ADGRA3: variants seen among roughly 807,000 people sequenced by gnomAD.
ADGRA3 encodes adhesion G protein-coupled receptor A3.
Under a neutral mutation model 119.8 loss-of-function variants are expected in ADGRA3, and 56 were observed. The observed-to-expected ratio is 0.47, with a 90% CI of 0.38 to 0.58. The LOEUF is 0.58. Among genes scored for constraint, ADGRA3 ranks in the 20% least tolerant of loss-of-function variants. ADGRA3 has a pLI of 0.00. For missense variants in ADGRA3, 1,516 were observed against 1,649.0 expected (o/e 0.92, Z 1.40); for synonymous variants, 607 against 623.8 (o/e 0.97, Z 0.40).
chr4:22,413,343 G>C lies in ADGRA3; in HGVS notation c.2071C>G (p.Arg691Gly), dbSNP rs149970910. 1.2e-6 allele frequency: 2 copies of C among 1,613,894 alleles called. No homozygotes were observed. The highest frequency in any genetic ancestry group is 1.3e-5 in the African/African-American group (1 of 74,896). Residue 691 changes from arginine (R) to glycine (G), a missense_variant, in exon 14 of 19, where the codon CGT (arginine) becomes GGT (glycine). Arg to Gly is a moderately radical substitution (Grantham distance 125). Coordinates refer to ENST00000334304, the MANE Select transcript of ADGRA3 (RefSeq NM_145290.4). ...THHIPVNVTL[R>G]RIAHGADAVA... ...GCATCTGCTCCATGTGCAATTCGAC[G>C]CAGTGTCACATTAACAGGGATGTGG... is the stretch of plus-strand genomic sequence containing the variant.
chr4:22,501,059 T>C (rs1238427546), intron 1 of ADGRA3, among the ~76,000 whole-genome samples: 1 of 152,174 alleles, frequency 6.6e-6, no homozygotes, highest in Non-Finnish European at 1.5e-5. Flanking sequence ...TCTCAGACCT[T>C]TGAACCTAGA....
intron 1 of ADGRA3, among the ~76,000 whole-genome samples, chr4:22,476,809 A>C (rs2109126794): frequency 6.7e-6 from 1 of 149,914 alleles, no homozygotes; most frequent in Non-Finnish European, 1.5e-5. Flanking sequence ...TGGGAGTATA[A>C]GTGCCCACCA....
At chr4:22,468,362 C>G (rs571090111) in intron 2 of ADGRA3, among the ~76,000 whole-genome samples, 1 of 152,274 alleles carries the variant, frequency 6.6e-6, no homozygotes, top group South Asian at 2.1e-4. Context: ...AACACACTGA[C>G]CAGTAGGCAA....
chr4:22,489,034 TAA>T (rs1718536398), intron 1 of ADGRA3, among the ~76,000 whole-genome samples: 1 of 152,194 alleles, frequency 6.6e-6, no homozygotes, highest in Admixed American at 6.5e-5. Context: ...ATGCTGCTGA[TAA>T]AGACATATTT....
chr4:22,507,038 G>A (rs574082725), intron 1 of ADGRA3, among the ~76,000 whole-genome samples: 16 of 151,154 alleles, frequency 1.1e-4, no homozygotes, highest in Admixed American at 2.0e-4. Flanking sequence ...GAGCTGGAGA[G>A]TATCCTTGCT....
rs573471508 is a variant in ADGRA3, at chr4:22,496,714, T to C, written c.257+18814A>G. On this transcript the variant is annotated intron_variant, in intron 1 of 18. Transcript: ENST00000334304. ...GGCTGAGCCAATGTTAAAGTAGGTA[T>C]TGGAAACTCTACTTCAAACGGTGAG... Among the ~76,000 whole-genome samples, 3 of 152,336 alleles carry C rather than the reference T, an allele frequency of 2.0e-5. No homozygotes were observed. In the South Asian group the frequency reaches 6.2e-4, roughly 32 times the overall value.
At chr4:22,454,468 A>G in intron 4 of ADGRA3, among the ~76,000 whole-genome samples, 1 of 152,134 alleles carries the variant, frequency 6.6e-6, no homozygotes, top group East Asian at 1.9e-4. Flanking sequence ...TTCATGTATC[A>G]TTAGTTTGGC....
intron 16 of ADGRA3, among the ~76,000 whole-genome samples, chr4:22,398,967 G>A (rs1383723824): frequency 1.3e-5 from 2 of 152,172 alleles, no homozygotes; most frequent in Non-Finnish European, 2.9e-5. Context: ...CCCAGGGGAC[G>A]TCCGCTTACA....
At chr4:22,508,530 G>A (rs1236344862) in intron 1 of ADGRA3, among the ~76,000 whole-genome samples, 1 of 152,208 alleles carries the variant, frequency 6.6e-6, no homozygotes, top group Admixed American at 6.5e-5. Context: ...TGAGAAATCA[G>A]GCTGCAGATG....
In ADGRA3 at chr4:22,454,761, C is replaced by T. The variant is rs558660661; in HGVS notation, c.473+105G>A. The T allele has an allele frequency of 4.9e-6, 4 of 812,458 alleles. No individual in the cohort carries two copies. In the East Asian group the frequency reaches 7.9e-5, roughly 16 times the overall value. 50.3% of individuals were successfully genotyped at this position (812,458 alleles called of 1,614,324 possible). On this transcript the variant is annotated intron_variant, in intron 4 of 18. Coordinates refer to ENST00000334304, the MANE Select transcript of ADGRA3 (RefSeq NM_145290.4). ...TCCTTGTCCCCTATGGCTTCTATAACCCCTACAGTTGCTACTTATAATTAA... is the reference window on the plus strand; with the variant it reads ...TCCTTGTCCCCTATGGCTTCTATAATCCCTACAGTTGCTACTTATAATTAA...
chr4:22,450,499 C>T (rs1019119123), intron 4 of ADGRA3, among the ~76,000 whole-genome samples: 1 of 152,168 alleles, frequency 6.6e-6, no homozygotes, highest in Admixed American at 6.5e-5. Context: ...CTCCTGACCT[C>T]AAGTGATCCG....
intron 16 of ADGRA3, chr4:22,393,310 A>G (rs1019826469): frequency 1.3e-5 from 2 of 152,670 alleles, no homozygotes; most frequent in African/African-American, 2.4e-5. Flanking sequence ...TACAGGCATG[A>G]GCCACCATGC....
In ADGRA3 at chr4:22,504,606, C is replaced by T. The variant is rs1470374953; in HGVS notation, c.257+10922G>A. Among the ~76,000 whole-genome samples, 5 of 152,100 alleles carry T rather than the reference C, an allele frequency of 3.3e-5. No homozygotes were observed. In the East Asian group the frequency reaches 7.7e-4, roughly 24 times the overall value. Reference sequence around the variant, plus strand: ...TTTTTCCTGGCTTCTATGAATAAGGCCCTGTCCTGAAGCTCTCAGCTCTCT... The same window carrying T: ...TTTTTCCTGGCTTCTATGAATAAGGTCCTGTCCTGAAGCTCTCAGCTCTCT... On this transcript the variant is annotated intron_variant, in intron 1 of 18. Transcript: ENST00000334304.
chr4:22,398,152 A>C, intron 16 of ADGRA3: 1 of 979,274 alleles, frequency 1.0e-6, no homozygotes, highest in Non-Finnish European at 1.2e-6. Flanking sequence ...AAACAAAAAT[A>C]TATCACACAG....
chr4:22,387,821 T>C lies in ADGRA3; in HGVS notation c.3850A>G (p.Asn1284Asp). 6.2e-7 allele frequency: 1 copy of C among 1,614,140 alleles called. No individual in the cohort carries two copies. The highest frequency in any genetic ancestry group is 8.5e-7 in the Non-Finnish European group (1 of 1,179,992). Residue 1284 changes from asparagine (N) to aspartate (D), a missense_variant, in exon 19 of 19, where the codon AAC (asparagine) becomes GAC (aspartate). Coordinates refer to ENST00000334304, the MANE Select transcript of ADGRA3 (RefSeq NM_145290.4). ...ATTGGTCCATTCTGAATGGCCAAGT[T>C]GAGGCCATAAGATTTTTGCTGATTT... ...LENQQKSYGL[N>D]LAIQNGPIKS...
chr4:22,515,893 T>G lies in ADGRA3; in HGVS notation c.-109A>C, dbSNP rs1401619112. ...GCGGGCCCAGCGGCGACCGGAGCCTTATGGCGGCCGGAGGACGGGCCTTCC... is the reference window on the plus strand; with the variant it reads ...GCGGGCCCAGCGGCGACCGGAGCCTGATGGCGGCCGGAGGACGGGCCTTCC... On this transcript the variant is annotated 5_prime_UTR_variant, in exon 1 of 19. Transcript: ENST00000334304. 1.6e-5 allele frequency: 12 copies of G among 739,542 alleles called. No homozygotes were observed. The highest frequency in any genetic ancestry group is 1.3e-3 in the Middle Eastern group (2 of 1,496). 45.8% of individuals were successfully genotyped at this position (739,542 alleles called of 1,614,324 possible).
rs1387803603 is a variant in ADGRA3 at position 22,413,316 on chromosome 4, C to T, written c.2098G>A (p.Val700Ile). 2 of 1,614,134 alleles carry T rather than the reference C, an allele frequency of 1.2e-6. No individual in the cohort carries two copies. Among genetic ancestry groups the T allele is most frequent in the Non-Finnish European group, 1.7e-6 (2 of 1,179,996 alleles). Residue 700 changes from valine to isoleucine, a missense_variant, in exon 14 of 19, where the codon GTT (valine) becomes ATT (isoleucine). By Grantham distance (29) the Val-to-Ile change is conservative. Coordinates refer to ENST00000334304, the MANE Select transcript of ADGRA3 (RefSeq NM_145290.4). ...AAATCGAAATCCCACCGGGCTGCAACAGCATCTGCTCCATGTGCAATTCGA... is the reference window on the plus strand; with the variant it reads ...AAATCGAAATCCCACCGGGCTGCAATAGCATCTGCTCCATGTGCAATTCGA... ...LRRIAHGADA[V>I]AARWDFDLLN...
At position 22,387,614 on chromosome 4, in the gene ADGRA3, G is replaced by T. The variant is rs1713881070; in HGVS notation, c.*91C>A. 2.4e-6 allele frequency: 3 copies of T among 1,250,464 alleles called. No individual in the cohort carries two copies. Among genetic ancestry groups the T allele is most frequent in the African/African-American group, 3.0e-5 (2 of 66,720 alleles). The allele number at this position is 1,250,464 out of a possible 1,614,324, so 77.5% of individuals were successfully genotyped here. A position where few individuals can be genotyped will look rare whatever the true frequency, so the allele number is the denominator to read the frequency against. ...ATTCCAAATTCTTTTGAATCCCTAT[G>T]GTGGCTGTAAACAGTTTTTAAATGC... On this transcript the variant is annotated 3_prime_UTR_variant, in exon 19 of 19. Transcript: ENST00000334304.
At chr4:22,492,442 A>G (rs914168494) in intron 1 of ADGRA3, among the ~76,000 whole-genome samples, 2 of 152,214 alleles carry the variant, frequency 1.3e-5, no homozygotes. Context: ...ATTTAATTAC[A>G]AAGATTTACT....
Sources: gnomAD v4.1 joint callset for allele counts (sites outside exome capture counted in the v4.1 genomes callset) on GRCh38, gnomAD v4.1.1 for gene constraint, MANE v1.5 for transcripts, NCBI Gene and HGNC (gene_info 2026-07-23, HGNC 2026-07-21) for gene names.